LVRN: variants seen among roughly 807,000 people sequenced by gnomAD.
LVRN encodes the protein aminopeptidase Q.
Under a neutral mutation model 111.4 loss-of-function variants are expected in LVRN, and 99 were observed. That is an observed-to-expected ratio of 0.89 (90% CI 0.76 to 1.05). The LOEUF (loss-of-function observed/expected upper bound fraction) is 1.05. Ranked by LOEUF, LVRN falls within the 50% of genes least tolerant of loss-of-function variation. The pLI is 0.00. For missense variants in LVRN, 1,414 were observed against 1,206.8 expected, an observed-to-expected ratio of 1.17 and a Z score of -2.54; for synonymous variants, 488 against 449.5, an observed-to-expected ratio of 1.09 and a Z score of -1.08.
rs1395445852 is a variant in LVRN, at chr5:116,012,467, C to T, written c.2341C>T (p.Leu781=). 2 of 1,513,050 alleles carry T rather than the reference C, an allele frequency of 1.3e-6. No homozygotes were observed. The highest frequency in any genetic ancestry group is 1.8e-6 in the Non-Finnish European group (2 of 1,105,264). The allele number at this position is 1,513,050 out of a possible 1,614,324, so 93.7% of individuals were successfully genotyped here. The part of the protein sequence containing the change: ...VLALQDDYLA[L]ISLEKLFVTA... ...GGCATTACAAGATGACTACTTAGCT[C>T]TGTAAGTATGTTTTCAGAAGTGATA... Residue 781 remains leucine, a splice_region_variant and synonymous_variant, in exon 15 of 20, where the codon CTA becomes TTA. Transcript: ENST00000357872.
Position 116,027,203 on chromosome 5 carries a change from A to T in LVRN, c.*1085A>T, listed in dbSNP as rs1200077451. 1.2e-4 allele frequency: 19 copies of T among 152,194 alleles called. No homozygotes were observed. Among genetic ancestry groups the T allele is most frequent in the Admixed American group, 1.2e-3 (19 of 15,280 alleles). 9.4% of individuals were successfully genotyped at this position (152,194 alleles called of 1,614,324 possible). On this transcript the variant is annotated 3_prime_UTR_variant, in exon 20 of 20. Transcript: ENST00000357872. ...CTAAAGCTAATCATTCCTCTTCTAG[A>T]CTTTGTGTATATGATTTAATCTTTT...
chr5:115,986,035 A>G (rs996677655), intron 3 of LVRN, among the ~76,000 whole-genome samples: 2 of 152,082 alleles, frequency 1.3e-5, no homozygotes, highest in African/African-American at 4.8e-5. Flanking sequence ...CTCCTTTACA[A>G]CTCCTAACCT....
chr5:116,019,733 A>G (rs1054465634), intron 18 of LVRN, among the ~76,000 whole-genome samples: 5 of 152,208 alleles, frequency 3.3e-5, no homozygotes, highest in Admixed American at 6.5e-5. Flanking sequence ...CGCCCCTCCC[A>G]TAAGGTGGTA....
intron 14 of LVRN, 62 bp from the exon 15 acceptor site, chr5:116,012,310 AAC>A (rs1748506747): frequency 3.5e-6 from 3 of 856,634 alleles, no homozygotes; most frequent in Non-Finnish European, 5.6e-6. Flanking sequence ...AATAAATAGA[AAC>A]ACAGTGAAAA....
Position 115,962,541 on chromosome 5 carries a change from C to A in LVRN, c.-77C>A. The A allele has an allele frequency of 7.3e-7, 1 of 1,373,140 alleles. No individual in the cohort carries two copies. The highest frequency in any genetic ancestry group is 1.0e-6 in the Non-Finnish European group (1 of 992,466). 85.1% of individuals were successfully genotyped at this position (1,373,140 alleles called of 1,614,324 possible). On this transcript the variant is annotated 5_prime_UTR_variant, in exon 1 of 20. It adds an upstream start codon to the 5' untranslated region. Transcript: ENST00000357872. ...GAGAGGAGGGGCAGGGGTCGCAGCA[C>A]TGAACACCCTGGCCGGGGTTTTGAC...
At chr5:115,967,891 G>A (rs1753235634) in intron 1 of LVRN, among the ~76,000 whole-genome samples, 3 of 152,218 alleles carry the variant, frequency 2.0e-5, no homozygotes, top group South Asian at 4.1e-4. Flanking sequence ...CTACATGTCT[G>A]TTGCTACTAT....
chr5:115,991,488 A>G (rs1338549673), intron 4 of LVRN, among the ~76,000 whole-genome samples: 16 of 152,216 alleles, frequency 1.1e-4, no homozygotes, highest in Admixed American at 9.2e-4. Flanking sequence ...GCAATTATGA[A>G]TAAAGCTTCT....
chr5:116,017,440 G>A (rs1748625624), intron 18 of LVRN, among the ~76,000 whole-genome samples: 3 of 152,280 alleles, frequency 2.0e-5, no homozygotes. Context: ...TCTAGAATCG[G>A]GGCATGGGGA....
chr5:116,000,544 T>C, intron 8 of LVRN, 46 bp downstream of exon 8: 1 of 1,613,024 alleles, frequency 6.2e-7, no homozygotes, highest in Non-Finnish European at 8.5e-7. Flanking sequence ...TAAACATAAA[T>C]TCCATTGGCA....
rs555580767 is a variant in LVRN, at chr5:115,967,421, C to A, written c.695+4109C>A. Among the ~76,000 whole-genome samples, 9 of 152,284 alleles carry A rather than the reference C, an allele frequency of 5.9e-5. No homozygotes were observed. The East Asian group carries it at 1.7e-3, about 29-fold the overall frequency. On this transcript the variant is annotated intron_variant, in intron 1 of 19. Coordinates refer to ENST00000357872, the MANE Select transcript of LVRN (RefSeq NM_173800.5). ...CTCCCACTATTGAATTGCTTTTGCA[C>A]CTTTGTCAAAAATCAGTTGGCCCCA...
At chr5:116,001,273 C>T (rs772832434) in intron 10 of LVRN, 34 bp downstream of exon 10, 3 of 1,608,862 alleles carry the variant, frequency 1.9e-6, no homozygotes, top group Non-Finnish European at 2.5e-6. Flanking sequence ...TCTTCACCTT[C>T]CTTGGGGTTG....
intron 18 of LVRN, among the ~76,000 whole-genome samples, chr5:116,019,106 G>A (rs1748660799): frequency 6.6e-6 from 1 of 152,142 alleles, no homozygotes; most frequent in South Asian, 2.1e-4. Context: ...CTACACACCT[G>A]GGCTCTATGG....
At chr5:115,973,977 C>T (rs1320366273) in intron 1 of LVRN, among the ~76,000 whole-genome samples, 1 of 152,094 alleles carries the variant, frequency 6.6e-6, no homozygotes, top group African/African-American at 2.4e-5. Flanking sequence ...TAAACATTTA[C>T]AGAATATAAT....
In LVRN at chr5:116,011,819, G is replaced by A. The variant is rs142801031; in HGVS notation, c.2248-555G>A. 5.1e-3 allele frequency among the ~76,000 whole-genome samples: 772 copies of A among 152,236 alleles called. 11 individuals carry two copies. The highest frequency in any genetic ancestry group is 0.017 in the African/African-American group (726 of 41,542). On this transcript the variant is annotated intron_variant, in intron 14 of 19. Coordinates refer to ENST00000357872, the MANE Select transcript of LVRN (RefSeq NM_173800.5). ...TTTCAAAGAATTTCAATGAACAGCAGCTAGTTAATTCTTAGGGATGTATTA... is the reference window on the plus strand; with the variant it reads ...TTTCAAAGAATTTCAATGAACAGCAACTAGTTAATTCTTAGGGATGTATTA...
chr5:115,998,174 C>A (rs919197508), intron 6 of LVRN, among the ~76,000 whole-genome samples: 3 of 152,128 alleles, frequency 2.0e-5, no homozygotes, highest in Non-Finnish European at 4.4e-5. Context: ...GGTTATTATG[C>A]AGCTATGTAT....
chr5:115,983,666 C>G (rs527907054), intron 2 of LVRN, among the ~76,000 whole-genome samples: 2 of 152,178 alleles, frequency 1.3e-5, no homozygotes, highest in Non-Finnish European at 1.5e-5. Context: ...AATGGGCAGT[C>G]TGCCTGCCAC....
At position 115,983,390 on chromosome 5, in the gene LVRN, C is replaced by T. The variant is rs778641858; in HGVS notation, c.799C>T (p.His267Tyr). The change falls in exon 2 of 20, where the codon CAT (histidine) becomes TAT (tyrosine). Residue 267 changes from histidine to tyrosine, a missense_variant. Coordinates refer to ENST00000357872, the MANE Select transcript of LVRN (RefSeq NM_173800.5). ...AACTTTTAATATTACAATGATTCAT[C>T]ATCCAAGTTATGTGGCCCTTTCCAA... Reference protein sequence around the residue: ...KATFNITMIHHPSYVALSNMP... With the variant: ...KATFNITMIHYPSYVALSNMP... The T allele has an allele frequency of 5.6e-6, 9 of 1,610,080 alleles. No homozygotes were observed. In the South Asian group the frequency reaches 6.7e-5, roughly 12 times the overall value.
intron 7 of LVRN, 100 bp from the exon 8 acceptor site, chr5:116,000,333 A>T: frequency 6.7e-7 from 1 of 1,482,764 alleles, no homozygotes; most frequent in Non-Finnish European, 9.4e-7. Flanking sequence ...TGCAAAATGC[A>T]ATCAGGAGCA....
Position 116,026,019 on chromosome 5 carries a change from G to C in LVRN, c.2874G>C (p.Arg958Ser), listed in dbSNP as rs1296159023. The C allele has an allele frequency of 1.9e-6, 3 of 1,613,774 alleles. No homozygotes were observed. The South Asian group carries it at 3.3e-5, about 18-fold the overall frequency. Residue 958 changes from arginine (R) to serine (S), a missense_variant, in exon 20 of 20, where the codon AGG (arginine) becomes AGC (serine). By Grantham distance (110) the Arg-to-Ser change is moderately radical. Coordinates refer to ENST00000357872, the MANE Select transcript of LVRN (RefSeq NM_173800.5). ...FFSNMLEEHQ[R>S]IRVHANLQTI... ...GTAACATGTTGGAGGAACACCAGAG[G>C]ATCAGAGTTCATGCCAACTTACAGA... is the stretch of plus-strand genomic sequence containing the variant.
Sources: allele counts gnomAD v4.1 joint callset (sites outside exome capture counted in the v4.1 genomes callset), GRCh38; gene constraint gnomAD v4.1.1; transcripts MANE v1.5; gene names NCBI Gene and HGNC (gene_info 2026-07-23, HGNC 2026-07-21).